The following CNST variants were observed in gnomAD, a reference collection of about 807,000 sequenced individuals.
The protein encoded by CNST is consortin.
In CNST, 39 loss-of-function variants were observed where a neutral mutation model predicts 72.4. The ratio of observed to expected loss-of-function variants is 0.54; its 90% CI spans 0.42 to 0.70. CNST has a LOEUF of 0.70. Ranked by LOEUF, CNST falls within the 30% of genes least tolerant of loss-of-function variation. The pLI is 0.00. For synonymous variants in CNST, 332 were observed against 320.1 expected (o/e 1.04, Z -0.40); for missense variants, 871 against 868.5 (o/e 1.00, Z -0.04).
chr1:246,644,378 ACT>A (rs1285393719), intron 8 of CNST, among the ~76,000 whole-genome samples: 3 of 111,294 alleles, frequency 2.7e-5, no homozygotes, highest in Non-Finnish European at 5.2e-5. Flanking sequence ...ACAGAGCGAG[ACT>A]CTGTCTCCAA....
At chr1:246,578,553 C>T (rs1413093915) in intron 1 of CNST, among the ~76,000 whole-genome samples, 2 of 152,084 alleles carry the variant, frequency 1.3e-5, no homozygotes, top group African/African-American at 4.8e-5. Context: ...TGCCTGTAGT[C>T]CCAGCTACTC....
At chr1:246,573,970 G>T (rs956697741) in intron 1 of CNST, among the ~76,000 whole-genome samples, 6 of 152,164 alleles carry the variant, frequency 3.9e-5, no homozygotes, top group African/African-American at 1.4e-4. Flanking sequence ...TTAGAAACTC[G>T]AAGTGGTGGG....
intron 2 of CNST, 94 bp from the exon 3 acceptor site, chr1:246,621,335 C>T (rs1664073422): frequency 2.0e-6 from 2 of 984,132 alleles, no homozygotes; most frequent in South Asian, 1.4e-5. Flanking sequence ...TTAGTTTGGG[C>T]AAGCCAGGGC....
intron 9 of CNST, among the ~76,000 whole-genome samples, chr1:246,656,258 T>G (rs1666762734): frequency 6.6e-6 from 1 of 152,226 alleles, no homozygotes; most frequent in Non-Finnish European, 1.5e-5. Flanking sequence ...AATATTTTTC[T>G]TGTCACATTA....
rs1267156778 is a variant in CNST, at chr1:246,666,952, T to C, written c.*1047T>C. 8 of 152,322 alleles carry C rather than the reference T, an allele frequency of 5.3e-5. 1 individual carries two copies. In the South Asian group the frequency reaches 1.7e-3, roughly 32 times the overall value. 9.4% of individuals were successfully genotyped at this position (152,322 alleles called of 1,614,324 possible). On this transcript the variant is annotated 3_prime_UTR_variant, in exon 11 of 11. Transcript: ENST00000366513. Reference sequence around the variant, plus strand: ...CAGATGCTTGAATGTGCATTCTTGTTGTGGGCTTGATTTAGATCCTATTGC... The same window carrying C: ...CAGATGCTTGAATGTGCATTCTTGTCGTGGGCTTGATTTAGATCCTATTGC...
intron 2 of CNST, among the ~76,000 whole-genome samples, chr1:246,608,670 A>G (rs1312654168): frequency 6.6e-6 from 1 of 152,188 alleles, no homozygotes; most frequent in Non-Finnish European, 1.5e-5. Flanking sequence ...TGCTTTTACA[A>G]CCTAAGCACC....
At chr1:246,660,890 A>T in intron 10 of CNST, among the ~76,000 whole-genome samples, 1 of 152,176 alleles carries the variant, frequency 6.6e-6, no homozygotes. Context: ...TCCCTGTTCC[A>T]TAGACAGTTA....
chr1:246,576,887 AAGG>A (rs1480248451), intron 1 of CNST, among the ~76,000 whole-genome samples: 1 of 151,956 alleles, frequency 6.6e-6, no homozygotes, highest in Non-Finnish European at 1.5e-5. Flanking sequence ...CTTTAAGATA[AAGG>A]AGATTAATTT....
intron 9 of CNST, among the ~76,000 whole-genome samples, chr1:246,656,576 T>C (rs1202146968): frequency 6.6e-6 from 1 of 152,202 alleles, no homozygotes; most frequent in African/African-American, 2.4e-5. Context: ...TTTAAGGCTT[T>C]ATTTTTTGAG....
At chr1:246,573,784 C>G (rs79904005) in intron 1 of CNST, among the ~76,000 whole-genome samples, 1 of 152,142 alleles carries the variant, frequency 6.6e-6, no homozygotes. Flanking sequence ...ACTTGTGTAA[C>G]GCTTTGTGTA....
chr1:246,596,499 A>G (rs919061018), intron 2 of CNST, among the ~76,000 whole-genome samples: 8 of 152,198 alleles, frequency 5.3e-5, no homozygotes, highest in Non-Finnish European at 8.8e-5. Flanking sequence ...CTTATTTATT[A>G]TTATTTTTCA....
intron 2 of CNST, chr1:246,605,858 C>G (rs542041024): frequency 6.6e-6 from 1 of 150,492 alleles, no homozygotes; most frequent in Admixed American, 6.6e-5. Flanking sequence ...GCGTGTCTTC[C>G]GGCCGGCCCT....
At chr1:246,593,577 C>T (rs781320011) in intron 2 of CNST, among the ~76,000 whole-genome samples, 1 of 152,020 alleles carries the variant, frequency 6.6e-6, no homozygotes, top group Admixed American at 6.6e-5. Flanking sequence ...CTCCTGACCT[C>T]GTGATCCGCC....
At chr1:246,642,136 T>TTTTTTTTTTG (rs1467305889) in intron 8 of CNST, 99 bp downstream of exon 8, 1 of 422,022 alleles carries the variant, frequency 2.4e-6, no homozygotes, top group African/African-American at 2.2e-5. Flanking sequence ...GGATCTGGTT[T>TTTTTTTTTTG]TTTTTTTTTT....
chr1:246,638,896 G>A (rs1324453094), intron 6 of CNST, among the ~76,000 whole-genome samples: 1 of 152,190 alleles, frequency 6.6e-6, no homozygotes, highest in Non-Finnish European at 1.5e-5. Context: ...GGTGATTTGG[G>A]GAGTTTCTAT....
intron 3 of CNST, among the ~76,000 whole-genome samples, chr1:246,626,078 T>C (rs78956185): frequency 3.5e-4 from 53 of 150,642 alleles, no homozygotes; most frequent in Non-Finnish European, 6.2e-4. Context: ...TTTTTTTTTT[T>C]CCCACTCTGT....
At chr1:246,592,140 T>C (rs1168566737) in intron 2 of CNST, among the ~76,000 whole-genome samples, 199 bp downstream of exon 2, 2 of 152,130 alleles carry the variant, frequency 1.3e-5, no homozygotes, top group African/African-American at 4.8e-5. Flanking sequence ...CGTATGGGTG[T>C]AACACAATTT....
intron 2 of CNST, among the ~76,000 whole-genome samples, chr1:246,596,398 AAAAAAAAAAAAAG>A (rs1262314444): frequency 7.4e-6 from 1 of 135,080 alleles, no homozygotes; most frequent in Non-Finnish European, 1.6e-5. Context: ...ATCCTGTCTC[AAAAAAAAAAAAAG>A]AAAAAGAAAA....
intron 2 of CNST, among the ~76,000 whole-genome samples, chr1:246,597,031 T>C (rs1201346546): frequency 6.6e-6 from 1 of 152,216 alleles, no homozygotes; most frequent in African/African-American, 2.4e-5. Flanking sequence ...CAAGTTTTTG[T>C]AGAGACATGT....
Sources: gnomAD v4.1 joint callset for allele counts (sites outside exome capture counted in the v4.1 genomes callset) on GRCh38, gnomAD v4.1.1 for gene constraint, MANE v1.5 for transcripts, NCBI Gene and HGNC (gene_info 2026-07-23, HGNC 2026-07-21) for gene names.